The following COX7A2L variants were observed in gnomAD, a reference collection of about 807,000 sequenced individuals.
COX7A2L encodes the protein cytochrome c oxidase subunit 7A2 like.
COX7A2L carries 18 observed loss-of-function variants against 14.2 expected under a neutral mutation model. That is an observed-to-expected ratio of 1.27 (90% CI 0.88 to 1.88). COX7A2L has a LOEUF of 1.88. Among genes scored for constraint, COX7A2L ranks in the 40% most tolerant of loss-of-function variants. The probability of loss-of-function intolerance (pLI) is 0.00; values close to 1 mark genes in which losing one functional copy is unlikely to be tolerated. For synonymous variants in COX7A2L, 65 were observed against 57.4 expected (o/e 1.13, Z -0.60); for missense variants, 179 against 138.8 (o/e 1.29, Z -1.46).
downstream of COX7A2L, among the ~76,000 whole-genome samples, chr2:42,347,144 C>G (rs1023741786): frequency 1.3e-5 from 2 of 152,126 alleles, no homozygotes; most frequent in African/African-American, 4.8e-5. Context: ...GGATTATAGG[C>G]GTGAGCCATG....
upstream of COX7A2L, chr2:42,361,444 A>G: frequency 3.0e-6 from 1 of 337,340 alleles, no homozygotes; most frequent in Non-Finnish European, 5.5e-6. Flanking sequence ...TCCCCCATTC[A>G]GATTTGGGCA....
chr2:42,335,902 C>T (rs17317726), intron 2 of COX7A2L, among the ~76,000 whole-genome samples: 5,490 of 152,318 alleles, frequency 0.036, 154 homozygotes, highest in Non-Finnish European at 0.057. Flanking sequence ...TCCCTACTAT[C>T]CCTACAACCA....
At position 42,339,247 on chromosome 2, in the gene COX7A2L, G is replaced by GA. The variant is rs1670350453; in HGVS notation, c.193-5379dup. Among the ~76,000 whole-genome samples the GA allele has an allele frequency of 2.0e-5, 3 of 152,174 alleles. No individual in the cohort carries two copies. The South Asian group carries it at 6.2e-4, about 32-fold the overall frequency. On this transcript the variant is annotated intron_variant, in intron 2 of 2. Coordinates refer to the COX7A2L transcript ENST00000468711. The surrounding 1 kb of genome is among the most constrained non-coding windows in gnomAD (Gnocchi z 5.4). ...AGGATTTGCCAGGGAGGGCACTCAG[G>GA]AAACCACAGACGCGGCCGTTGGCAC...
chr2:42,346,337 C>T (rs1445282223), downstream of COX7A2L, among the ~76,000 whole-genome samples: 4 of 152,184 alleles, frequency 2.6e-5, no homozygotes, highest in African/African-American at 9.6e-5. Context: ...GGCCCAGCTT[C>T]GCTCAGGTTC....
downstream of COX7A2L, among the ~76,000 whole-genome samples, chr2:42,346,610 G>A (rs189102531): frequency 2.0e-5 from 3 of 152,048 alleles, no homozygotes; most frequent in Admixed American, 6.5e-5. Context: ...GCAAGACCTC[G>A]TCTCTCCCAA....
rs1670572008 is a variant in COX7A2L at position 42,349,442 on chromosome 2, G to A, written c.*1777C>T. The A allele has an allele frequency of 6.6e-6, 1 of 152,292 alleles. No homozygotes were observed. Among genetic ancestry groups the A allele is most frequent in the African/African-American group, 2.4e-5 (1 of 41,554 alleles). The allele number at this position is 152,292 out of a possible 1,614,324, so 9.4% of individuals were successfully genotyped here. On this transcript the variant is annotated 3_prime_UTR_variant, in exon 3 of 3. Transcript: ENST00000234301. Reference sequence around the variant, plus strand: ...GAGTGCTTGCTTTGGGCTAGGAGGTGGGAGTTGGGATGGTGGGAGGGAAGG... The same window carrying A: ...GAGTGCTTGCTTTGGGCTAGGAGGTAGGAGTTGGGATGGTGGGAGGGAAGG...
chr2:42,367,332 C>G (rs966489309), intron 1 of COX7A2L, among the ~76,000 whole-genome samples: 1 of 152,146 alleles, frequency 6.6e-6, no homozygotes, highest in Non-Finnish European at 1.5e-5. Context: ...GGATTAGCCA[C>G]GTATTACCAG....
chr2:42,354,104 C>G (rs1234575268), intron 1 of COX7A2L, among the ~76,000 whole-genome samples: 1 of 152,000 alleles, frequency 6.6e-6, no homozygotes, highest in Non-Finnish European at 1.5e-5. Context: ...AGGGAGGTAA[C>G]AGTTAAAAGG....
In COX7A2L at chr2:42,342,230, G is replaced by A. The variant is rs947176655; in HGVS notation, c.193-8361C>T. 8.5e-5 allele frequency among the ~76,000 whole-genome samples: 13 copies of A among 152,134 alleles called. No homozygotes were observed. Among genetic ancestry groups the A allele is most frequent in the African/African-American group, 3.1e-4 (13 of 41,446 alleles). Reference sequence around the variant, plus strand: ...CTAAGCCTGGTACAGCTGGAACCCTGAAGGGGGCCCTGGACCAGCAGAGCC... The same window carrying A: ...CTAAGCCTGGTACAGCTGGAACCCTAAAGGGGGCCCTGGACCAGCAGAGCC... On this transcript the variant is annotated intron_variant, in intron 2 of 2. Coordinates refer to the COX7A2L transcript ENST00000468711. The surrounding 1 kb of genome is among the most constrained non-coding windows in gnomAD (Gnocchi z 4.9).
At chr2:42,347,861 C>T (rs549900085), downstream of COX7A2L, among the ~76,000 whole-genome samples, 3 of 152,204 alleles carry the variant, frequency 2.0e-5, no homozygotes, top group South Asian at 4.1e-4. Flanking sequence ...GCAGAGGCTG[C>T]GGTGAGCCGA....
At chr2:42,356,582 G>A (rs1670825635) in intron 1 of COX7A2L, among the ~76,000 whole-genome samples, 1 of 152,158 alleles carries the variant, frequency 6.6e-6, no homozygotes, top group Admixed American at 6.6e-5. Flanking sequence ...TTGATGGCAG[G>A]GCATCCACAA....
rs756891863 is a variant in COX7A2L, at chr2:42,353,238, CTT to C, written c.176_177del (p.Lys59SerfsTer12). 4 of 1,614,030 alleles carry C rather than the reference CTT, an allele frequency of 2.5e-6. No individual in the cohort carries two copies. The African/African-American group carries it at 5.3e-5, about 22-fold the overall frequency. On this transcript the variant is annotated frameshift_variant, in exon 2 of 3. Coordinates refer to ENST00000234301, the MANE Select transcript of COX7A2L (RefSeq NM_004718.4). LOFTEE classifies it high-confidence loss of function. ...TGGAAAAACTTTTGTAGCTCTGGAA[CTT>C]TGTTTTTCCCAGCATAATCATACAC... is the stretch of plus-strand genomic sequence containing the variant. ...STVYDYAGKN[K>X]VPELQKFFQK...
chr2:42,351,653 C>A (rs2534616), intron 2 of COX7A2L, among the ~76,000 whole-genome samples: 1 of 152,100 alleles, frequency 6.6e-6, no homozygotes. Context: ...TTTTAAAAGG[C>A]AAAGGTAATC....
chr2:42,361,124 G>C lies in COX7A2L; in HGVS notation c.38C>G (p.Ala13Gly), dbSNP rs749476147. The C allele has an allele frequency of 4.3e-6, 7 of 1,613,594 alleles. No individual in the cohort carries two copies. The highest frequency in any genetic ancestry group is 5.9e-6 in the Non-Finnish European group (7 of 1,179,880). The part of the protein sequence containing the change: ...YKFSGFTQKL[A>G]GAWASEAYSP... Reference sequence around the variant, plus strand: ...ATAGGCCTCCGAAGCCCATGCTCCTGCCAACTTCTGCGTGAAGCCACTAAA... The same window carrying C: ...ATAGGCCTCCGAAGCCCATGCTCCTCCCAACTTCTGCGTGAAGCCACTAAA... The change falls in exon 1 of 3, where the codon GCA (alanine) becomes GGA (glycine). Residue 13 changes from alanine (A) to glycine (G), a missense_variant. Coordinates refer to ENST00000234301, the MANE Select transcript of COX7A2L (RefSeq NM_004718.4).
intron 2 of COX7A2L, among the ~76,000 whole-genome samples, chr2:42,336,728 T>A (rs752013279): frequency 3.3e-5 from 5 of 152,224 alleles, no homozygotes; most frequent in Non-Finnish European, 5.9e-5. Flanking sequence ...GCAAGCCAGA[T>A]GCCTTACAGC....
rs1670584568 is a variant in COX7A2L, at chr2:42,349,879, A to G, written c.*1340T>C. 1 of 152,338 alleles carries G rather than the reference A, an allele frequency of 6.6e-6. No individual in the cohort carries two copies. The allele number at this position is 152,338 out of a possible 1,614,324, so 9.4% of individuals were successfully genotyped here. ...AAAACAGATCTATGTGTGTGTGCAT[A>G]TATGCATTGTGTGTGCCTGTGTGAG... On this transcript the variant is annotated 3_prime_UTR_variant, in exon 3 of 3. Coordinates refer to ENST00000234301, the MANE Select transcript of COX7A2L (RefSeq NM_004718.4).
downstream of COX7A2L, among the ~76,000 whole-genome samples, chr2:42,349,101 C>G (rs1038491115): frequency 6.6e-6 from 1 of 152,148 alleles, no homozygotes; most frequent in Non-Finnish European, 1.5e-5. Flanking sequence ...CCCAGGAATT[C>G]CACTCCTAGG....
upstream of COX7A2L, chr2:42,365,938 T>C (rs1462369175): frequency 6.6e-6 from 1 of 152,178 alleles, no homozygotes; most frequent in Non-Finnish European, 1.5e-5. Flanking sequence ...CCTCCACACA[T>C]TGCTGGGAGA....
intron 2 of COX7A2L, among the ~76,000 whole-genome samples, chr2:42,343,847 G>A (rs1263684366): frequency 1.3e-5 from 2 of 152,284 alleles, no homozygotes; most frequent in East Asian, 1.9e-4. Flanking sequence ...GAAGAAAAAA[G>A]CAGATAAATA....
Sources: gnomAD v4.1 joint callset for allele counts (sites outside exome capture counted in the v4.1 genomes callset) on GRCh38, gnomAD v4.1.1 for gene constraint, Gnocchi (gnomAD v3.1) non-coding constraint, MANE v1.5 for transcripts, NCBI Gene and HGNC (gene_info 2026-07-23, HGNC 2026-07-21) for gene names.